The following NXPH4 variants were observed in gnomAD, a reference collection of about 807,000 sequenced individuals.
The protein encoded by NXPH4 is neurexophilin-4.
A neutral mutation model predicts 21.3 loss-of-function variants in NXPH4; 8 were observed. The ratio of observed to expected loss-of-function variants is 0.38; its 90% CI spans 0.22 to 0.68. The LOEUF is 0.68. NXPH4 is among the 30% of genes least tolerant of loss of function. The pLI is 0.53. For synonymous variants in NXPH4, 219 were observed against 192.6 expected (o/e 1.14, Z -1.13); for missense variants, 418 against 416.8 (o/e 1.00, Z -0.03).
Position 57,216,957 on chromosome 12 carries a change from G to A in NXPH4, c.-13G>A. ...AGACCCGCCCAGCCTGCCCCGCTCA[G>A]CCGCCAGAGAAGATGCGGCTGCTCC... On this transcript the variant is annotated 5_prime_UTR_variant, in exon 1 of 2. Coordinates refer to ENST00000349394, the MANE Select transcript of NXPH4 (RefSeq NM_007224.4). The surrounding 1 kb of genome is among the most constrained non-coding windows in gnomAD (Gnocchi z 5.3). 1 of 1,588,988 alleles carries A rather than the reference G, an allele frequency of 6.3e-7. No individual in the cohort carries two copies.
rs145338040 is a variant in NXPH4, at chr12:57,225,642, C to A, written c.822C>A (p.Phe274Leu). The change falls in exon 2 of 2, where the codon TTC (phenylalanine) becomes TTA (leucine). Residue 274 changes from phenylalanine (F) to leucine (L), a missense_variant. Coordinates refer to ENST00000349394, the MANE Select transcript of NXPH4 (RefSeq NM_007224.4). ...SQAAWLCAKP[F>L]KVICIFVSFL... ...CCGCCTGGCTCTGTGCCAAGCCCTT[C>A]AAAGTCATCTGTATCTTCGTCTCTT... The A allele has an allele frequency of 2.8e-5, 45 of 1,613,834 alleles. No homozygotes were observed. The highest frequency in any genetic ancestry group is 3.7e-5 in the Non-Finnish European group (44 of 1,180,006).
intron 1 of NXPH4, among the ~76,000 whole-genome samples, chr12:57,219,243 C>T (rs1256679795): frequency 6.6e-6 from 1 of 152,056 alleles, no homozygotes; most frequent in Non-Finnish European, 1.5e-5. Flanking sequence ...AGGTTTCTCT[C>T]CCTTCCTCCT....
chr12:57,225,347 T>C lies in NXPH4; in HGVS notation c.527T>C (p.Leu176Pro), dbSNP rs767958548. The change falls in exon 2 of 2, where the codon CTG (leucine) becomes CCG (proline). Residue 176 changes from leucine (L) to proline (P), a missense_variant. By Grantham distance (98) the Leu-to-Pro change is moderately conservative. Coordinates refer to ENST00000349394, the MANE Select transcript of NXPH4 (RefSeq NM_007224.4). The stretch of plus-strand genomic sequence containing the variant: ...CTGCCCGGGCCTGTCCCCCACCCTC[T>C]GCAGTCTACGCTCGCCCTGGAGGGG... ...VWLPGPVPHP[L>P]QSTLALEGVL... is the part of the protein sequence containing the mutation. 3.2e-6 allele frequency: 5 copies of C among 1,577,632 alleles called. No individual in the cohort carries two copies. Among genetic ancestry groups the C allele is most frequent in the Non-Finnish European group, 4.3e-6 (5 of 1,165,084 alleles).
intron 1 of NXPH4, among the ~76,000 whole-genome samples, chr12:57,220,389 AGGCGCGG>A (rs1394215490): frequency 1.3e-5 from 2 of 152,250 alleles, no homozygotes; most frequent in African/African-American, 4.8e-5. Flanking sequence ...TAATAAAGTG[AGGCGCGG>A]GGCGGGGGGC....
chr12:57,223,967 G>A (rs1428472200), intron 1 of NXPH4, among the ~76,000 whole-genome samples: 4 of 152,248 alleles, frequency 2.6e-5, no homozygotes, highest in Non-Finnish European at 4.4e-5. Context: ...TGGAGCACTG[G>A]CGACTGGGAG....
In NXPH4 at chr12:57,225,042, GGGGGCGCTGGCCCGGGCAGGGGCAGCC is replaced by G. The variant is rs1565764254; in HGVS notation, c.229_255del (p.Ala78_Leu86del). Reference sequence around the variant, plus strand: ...GCTGGGCCTGGCCGACCAACCACACGGGGGCGCTGGCCCGGGCAGGGGCAGCCGGGGCGTTGCCCGCGCAGCGCACCA... The same window carrying G: ...GCTGGGCCTGGCCGACCAACCACACGGGGGCGTTGCCCGCGCAGCGCACCA... On this transcript the variant is annotated inframe_deletion, in exon 2 of 2. Transcript: ENST00000349394. The G allele has an allele frequency of 1.4e-6, 2 of 1,480,028 alleles. No individual in the cohort carries two copies. Among genetic ancestry groups the G allele is most frequent in the Non-Finnish European group, 1.8e-6 (2 of 1,113,266 alleles). The allele number at this position is 1,480,028 out of a possible 1,614,324, so 91.7% of individuals were successfully genotyped here.
intron 1 of NXPH4, among the ~76,000 whole-genome samples, chr12:57,223,885 G>A (rs2136771801): frequency 6.6e-6 from 1 of 152,314 alleles, no homozygotes; most frequent in South Asian, 2.1e-4. Context: ...CATAGAACGG[G>A]TGGGAGCAGG....
chr12:57,223,281 C>T (rs1012296094), intron 1 of NXPH4, among the ~76,000 whole-genome samples: 3 of 152,062 alleles, frequency 2.0e-5, no homozygotes, highest in Non-Finnish European at 4.4e-5. Context: ...CCTCAGACCG[C>T]TATACACAGC....
At chr12:57,224,644 C>A (rs897016761) in intron 1 of NXPH4, among the ~76,000 whole-genome samples, 3 of 152,144 alleles carry the variant, frequency 2.0e-5, no homozygotes, top group Non-Finnish European at 2.9e-5. Flanking sequence ...GGATTCTTGA[C>A]GTCATTTCAC....
chr12:57,223,231 A>C (rs958385790), intron 1 of NXPH4, among the ~76,000 whole-genome samples: 12 of 152,110 alleles, frequency 7.9e-5, no homozygotes, highest in Non-Finnish European at 1.6e-4. Flanking sequence ...AGGGGCTCAC[A>C]CAGGAAAGGT....
intron 1 of NXPH4, among the ~76,000 whole-genome samples, chr12:57,222,458 T>G (rs2037101434): frequency 6.6e-6 from 1 of 152,114 alleles, no homozygotes; most frequent in African/African-American, 2.4e-5. Flanking sequence ...TGCTCTGGTC[T>G]GCTGGGAGGA....
chr12:57,218,190 A>G (rs1266136969), intron 1 of NXPH4, among the ~76,000 whole-genome samples: 1 of 151,972 alleles, frequency 6.6e-6, no homozygotes, highest in Non-Finnish European at 1.5e-5. Flanking sequence ...TTCCCCCAAC[A>G]CTTGGACCTC....
At chr12:57,223,220 C>T (rs1034091086) in intron 1 of NXPH4, among the ~76,000 whole-genome samples, 3 of 152,130 alleles carry the variant, frequency 2.0e-5, no homozygotes. Context: ...CAGAGGATGA[C>T]AGGGGCTCAC....
Position 57,225,946 on chromosome 12 carries a change from G to T in NXPH4, c.*199G>T, listed in dbSNP as rs2037143932. On this transcript the variant is annotated 3_prime_UTR_variant, in exon 2 of 2. Coordinates refer to ENST00000349394, the MANE Select transcript of NXPH4 (RefSeq NM_007224.4). The stretch of plus-strand genomic sequence containing the variant: ...GCGGAGTGCCCGCAAGGCTGGGGTA[G>T]CCCCCTCCAGTACACCCCAAAGTGA... The T allele has an allele frequency of 7.0e-7, 1 of 1,433,812 alleles. No individual in the cohort carries two copies. Among genetic ancestry groups the T allele is most frequent in the Admixed American group, 2.9e-5 (1 of 34,916 alleles). The allele number at this position is 1,433,812 out of a possible 1,614,324, so 88.8% of individuals were successfully genotyped here.
chr12:57,222,026 A>G (rs2037096334), intron 1 of NXPH4, among the ~76,000 whole-genome samples: 1 of 152,174 alleles, frequency 6.6e-6, no homozygotes. Context: ...GAAAAACAGC[A>G]CAAGAGAGGG....
At chr12:57,224,798 A>G in intron 1 of NXPH4, 80 bp from the exon 2 acceptor site, 1 of 502,100 alleles carries the variant, frequency 2.0e-6, no homozygotes, top group Non-Finnish European at 3.4e-6. Flanking sequence ...GGCTGTGGAA[A>G]GGGACTGGCG....
chr12:57,224,481 T>G (rs1409199045), intron 1 of NXPH4, among the ~76,000 whole-genome samples: 1 of 152,198 alleles, frequency 6.6e-6, no homozygotes, highest in Non-Finnish European at 1.5e-5. Flanking sequence ...CTGGCTCAGT[T>G]TGCTCAGAGT....
intron 1 of NXPH4, among the ~76,000 whole-genome samples, chr12:57,219,235 G>A (rs1440886554): frequency 6.6e-6 from 1 of 151,896 alleles, no homozygotes; most frequent in Admixed American, 6.6e-5. Flanking sequence ...CCTCCTCCAG[G>A]TTTCTCTCCC....
chr12:57,226,063 C>A lies in NXPH4; in HGVS notation c.*316C>A. The A allele has an allele frequency of 1.6e-6, 1 of 636,898 alleles. No homozygotes were observed. Among genetic ancestry groups the A allele is most frequent in the Non-Finnish European group, 2.5e-6 (1 of 405,540 alleles). 39.5% of individuals were successfully genotyped at this position (636,898 alleles called of 1,614,324 possible). On this transcript the variant is annotated 3_prime_UTR_variant, in exon 2 of 2. Coordinates refer to ENST00000349394, the MANE Select transcript of NXPH4 (RefSeq NM_007224.4). ...CAGTGGGTCCCCTTTTCACCCTTGG[C>A]GCTAGGCTGCGCACTCCCTTTCCCC...
Sources: allele counts gnomAD v4.1 joint callset (sites outside exome capture counted in the v4.1 genomes callset), GRCh38; gene constraint gnomAD v4.1.1; non-coding constraint Gnocchi (gnomAD v3.1); transcripts MANE v1.5; gene names NCBI Gene and HGNC (gene_info 2026-07-23, HGNC 2026-07-21).